The following VEGFB variants were observed in gnomAD, a reference collection of about 807,000 sequenced individuals.
The protein encoded by VEGFB is vascular endothelial growth factor B.
A neutral mutation model predicts 22.5 loss-of-function variants in VEGFB; 24 were observed. That is an observed-to-expected ratio of 1.07 (90% CI 0.77 to 1.50). VEGFB has a LOEUF of 1.50. Ranked by LOEUF, VEGFB falls within the 40% of genes most tolerant of loss-of-function variation. The pLI is 0.00. For missense variants in VEGFB, 327 were observed against 287.8 expected (o/e 1.14, Z -0.99); for synonymous variants, 141 against 117.4 (o/e 1.20, Z -1.30).
At position 64,238,343 on chromosome 11, in the gene VEGFB, C is replaced by T. The variant is rs1163515834; in HGVS notation, c.*23-13C>T. The T allele has an allele frequency of 6.5e-7, 1 of 1,536,054 alleles. No homozygotes were observed. The highest frequency in any genetic ancestry group is 1.4e-5 in the African/African-American group (1 of 73,012). ...TCCAGCCAGCATGAACAGATCACTT[C>T]CTCCCTCCTCAGGTGCCGGAAGCTG... On this transcript the variant is annotated splice_polypyrimidine_tract_variant and intron_variant, in intron 6 of 6. Coordinates refer to ENST00000309422, the MANE Select transcript of VEGFB (RefSeq NM_003377.5).
intron 4 of VEGFB, among the ~76,000 whole-genome samples, chr11:64,236,744 A>G (rs1232127875): frequency 2.8e-5 from 4 of 140,542 alleles, no homozygotes; most frequent in African/African-American, 7.8e-5. Context: ...AAAAAAAAAA[A>G]GAGTAGAGCC....
rs1213538364 is a variant in VEGFB, at chr11:64,234,648, CCGCTGCGCTG to C, written c.-174_-165del. ...GCCCGCCCGGCTCCTCCGGCCGCCT[CCGCTGCGCTG>C]CGCTGCGCTGCCTGCACCCAGGGCT... On this transcript the variant is annotated 5_prime_UTR_variant, in exon 1 of 7. Transcript: ENST00000309422. The surrounding 1 kb of genome is among the most constrained non-coding windows in gnomAD (Gnocchi z 5.3). 1.6e-4 allele frequency: 23 copies of C among 146,558 alleles called. No individual in the cohort carries two copies. The highest frequency in any genetic ancestry group is 2.5e-4 in the Non-Finnish European group (17 of 68,178). The allele number at this position is 146,558 out of a possible 1,614,324, so 9.1% of individuals were successfully genotyped here. A position where few individuals can be genotyped will look rare whatever the true frequency, so the allele number is the denominator to read the frequency against.
In VEGFB at chr11:64,235,926, G is replaced by A. The variant is rs1174534305; in HGVS notation, c.217G>A (p.Val73Met). ...GGCCAAACAGCTGGTGCCCAGCTGCGTGACTGTGCAGCGCTGTGGTGGCTG... is the reference window on the plus strand; with the variant it reads ...GGCCAAACAGCTGGTGCCCAGCTGCATGACTGTGCAGCGCTGTGGTGGCTG... ...TVAKQLVPSC[V>M]TVQRCGGCCP... Residue 73 changes from valine (V) to methionine (M), a missense_variant, in exon 3 of 7, where the codon GTG becomes ATG. Physicochemically the swap from Val to Met is conservative, Grantham distance 21. Transcript: ENST00000309422. The A allele has an allele frequency of 6.8e-6, 11 of 1,613,342 alleles. No homozygotes were observed. Among genetic ancestry groups the A allele is most frequent in the Middle Eastern group, 1.6e-4 (1 of 6,082 alleles).
intron 4 of VEGFB, among the ~76,000 whole-genome samples, chr11:64,236,716 CAAAAAAAAAAAAAAAA>C (rs773789771): frequency 4.0e-5 from 3 of 74,476 alleles, no homozygotes; most frequent in South Asian, 9.7e-4. Flanking sequence ...GACTCTGCCA[CAAAAAAAAAAAAAAAA>C]AAAAAAAAAA....
rs757606210 is a variant in VEGFB at position 64,237,638 on chromosome 11, C to T, written c.*5C>T. Reference sequence around the variant, plus strand: ...GTTGCCAAGGGCGGGGCTTAGAGCTCAACCCAGACACCTGCAGGTGAGGCG... The same window carrying T: ...GTTGCCAAGGGCGGGGCTTAGAGCTTAACCCAGACACCTGCAGGTGAGGCG... On this transcript the variant is annotated 3_prime_UTR_variant, in exon 6 of 7. Coordinates refer to ENST00000309422, the MANE Select transcript of VEGFB (RefSeq NM_003377.5). 3 of 1,539,406 alleles carry T rather than the reference C, an allele frequency of 1.9e-6. No individual in the cohort carries two copies. Among genetic ancestry groups the T allele is most frequent in the East Asian group, 2.4e-5 (1 of 41,540 alleles).
intron 5 of VEGFB, 61 bp from the exon 6 acceptor site, chr11:64,237,359 G>A (rs939133078): frequency 3.3e-6 from 5 of 1,519,774 alleles, no homozygotes; most frequent in Non-Finnish European, 3.6e-6. Context: ...TCTCTGCCCC[G>A]ACCCCAGCTC....
chr11:64,237,082 T>A lies in VEGFB; in HGVS notation c.375-105T>A, dbSNP rs529661121. The A allele has an allele frequency of 1.5e-5, 9 of 616,754 alleles. 1 individual carries two copies. In the East Asian group the frequency reaches 2.6e-4, roughly 18 times the overall value. 38.2% of individuals were successfully genotyped at this position (616,754 alleles called of 1,614,324 possible). A position where few individuals can be genotyped will look rare whatever the true frequency, so the allele number is the denominator to read the frequency against. On this transcript the variant is annotated intron_variant, in intron 4 of 6. Transcript: ENST00000309422. ...TGGGCAAGAAGAGGGAAACACAGTC[T>A]CAAAGAGAGAGAGAGAGAGAGAGAG...
chr11:64,236,794 T>C (rs1362255068), intron 4 of VEGFB, among the ~76,000 whole-genome samples: 3 of 140,532 alleles, frequency 2.1e-5, no homozygotes, highest in Non-Finnish European at 4.7e-5. Context: ...AGTAGGATGC[T>C]TGGGCCGGGG....
chr11:64,238,056 C>G (rs565925276), intron 6 of VEGFB, among the ~76,000 whole-genome samples: 1 of 152,294 alleles, frequency 6.6e-6, no homozygotes, highest in East Asian at 1.9e-4. Flanking sequence ...CTTCAAGAGG[C>G]CAGGGGACAT....
At chr11:64,238,315 C>G in intron 6 of VEGFB, 41 bp from the exon 7 acceptor site, 2 of 1,535,440 alleles carry the variant, frequency 1.3e-6, no homozygotes, top group Non-Finnish European at 8.7e-7. Flanking sequence ...GCTGGGGCTG[C>G]GCTCCAGCCA....
At chr11:64,235,177 CG>C (rs1947233958) in intron 1 of VEGFB, among the ~76,000 whole-genome samples, 1 of 152,148 alleles carries the variant, frequency 6.6e-6, no homozygotes, top group Non-Finnish European at 1.5e-5. Context: ...GGGCACTGTG[CG>C]CGCTCCTGAT....
intron 4 of VEGFB, 199 bp from the exon 5 acceptor site, chr11:64,236,988 C>T (rs61761271): frequency 4.8e-6 from 2 of 416,310 alleles, no homozygotes; most frequent in Non-Finnish European, 8.9e-6. Context: ...GAGGCTGAGA[C>T]AAGAGAATAG....
In VEGFB at chr11:64,237,125, AG is replaced by A. The variant is rs1365890321; in HGVS notation, c.375-60del. ...AGAGAGAGAGAGAGAGAGAGAGAGT[AG>A]GATGCTGGGATTTCCTGATCTTCCT... On this transcript the variant is annotated intron_variant, in intron 4 of 6. Transcript: ENST00000309422. The A allele has an allele frequency of 3.8e-4, 262 of 681,274 alleles. 20 individuals carry two copies. In the African/African-American group the frequency reaches 6.0e-3, roughly 16 times the overall value. The allele number at this position is 681,274 out of a possible 1,614,324, so 42.2% of individuals were successfully genotyped here.
At chr11:64,236,404 G>C (rs1396143229) in intron 4 of VEGFB, 77 bp downstream of exon 4, 1 of 1,421,190 alleles carries the variant, frequency 7.0e-7, no homozygotes, top group Admixed American at 1.7e-5. Context: ...CACAGAACTG[G>C]GGACCAGGTT....
chr11:64,235,027 C>T, intron 1 of VEGFB, 134 bp downstream of exon 1: 5 of 714,550 alleles, frequency 7.0e-6, no homozygotes, highest in Non-Finnish European at 9.6e-6. Context: ...GTCTCGGGGG[C>T]CCGGCGCGTG....
Position 64,234,592 on chromosome 11 carries a change from C to T in VEGFB, c.-242C>T, listed in dbSNP as rs1370462200. ...AGCCCCCCGCCGCCCCCGCCGTCCC[C>T]GCCGCCGCTGCCCGCCGCCACCGGC... is the stretch of plus-strand genomic sequence containing the variant. On this transcript the variant is annotated 5_prime_UTR_variant, in exon 1 of 7. Transcript: ENST00000309422. The surrounding 1 kb of genome is among the most constrained non-coding windows in gnomAD (Gnocchi z 5.3). 4 of 145,558 alleles carry T rather than the reference C, an allele frequency of 2.7e-5. No homozygotes were observed. The highest frequency in any genetic ancestry group is 3.6e-4 in the South Asian group (2 of 5,580). The allele number at this position is 145,558 out of a possible 1,614,324, so 9.0% of individuals were successfully genotyped here. A position where few individuals can be genotyped will look rare whatever the true frequency, so the allele number is the denominator to read the frequency against.
chr11:64,235,605 C>A, intron 2 of VEGFB, 105 bp downstream of exon 2: 1 of 1,344,174 alleles, frequency 7.4e-7, no homozygotes. Context: ...AAGATTCAAA[C>A]TATTATTCTA....
intron 6 of VEGFB, 84 bp downstream of exon 6, chr11:64,237,739 G>C: frequency 7.9e-7 from 1 of 1,271,210 alleles, no homozygotes; most frequent in Non-Finnish European, 1.1e-6. Flanking sequence ...CTGCCAGTAG[G>C]AGGAGGGCCA....
intron 4 of VEGFB, 108 bp from the exon 5 acceptor site, chr11:64,237,074 ACACAG>A (rs2030109155): frequency 1.2e-6 from 1 of 837,164 alleles, no homozygotes; most frequent in African/African-American, 1.8e-5. Context: ...GAAGAGGGAA[ACACAG>A]TCTCAAAGAG....
Sources: allele counts gnomAD v4.1 joint callset (sites outside exome capture counted in the v4.1 genomes callset), GRCh38; gene constraint gnomAD v4.1.1; non-coding constraint Gnocchi (gnomAD v3.1); transcripts MANE v1.5; gene names NCBI Gene and HGNC (gene_info 2026-07-23, HGNC 2026-07-21).